Variants in GPC5 observed in about 807,000 individuals in gnomAD.
GPC5 encodes glypican 5, also known as glypican-5.
A neutral mutation model predicts 53.9 loss-of-function variants in GPC5; 47 were observed. The observed-to-expected ratio is 0.87, with a 90% CI of 0.69 to 1.11. GPC5 has a LOEUF of 1.11. GPC5 is among the 50% of genes most tolerant of loss of function. GPC5 has a pLI of 0.00. For missense variants in GPC5, 748 were observed against 713.1 expected (o/e 1.05, Z -0.56); for synonymous variants, 286 against 263.3 (o/e 1.09, Z -0.84).
intron 2 of GPC5, among the ~76,000 whole-genome samples, chr13:91,508,199 A>C (rs1011028721): frequency 6.6e-6 from 1 of 152,238 alleles, no homozygotes; most frequent in African/African-American, 2.4e-5. Flanking sequence ...GCTTTAGCTA[A>C]CAACAAAACT....
chr13:91,740,497 G>T (rs536577200), intron 4 of GPC5, among the ~76,000 whole-genome samples: 1 of 152,232 alleles, frequency 6.6e-6, no homozygotes, highest in East Asian at 1.9e-4. Flanking sequence ...TTGGAGAGAG[G>T]GGAGCTAAAC....
At chr13:91,478,876 ACACAT>A (rs1260197117) in intron 2 of GPC5, among the ~76,000 whole-genome samples, 2 of 51,752 alleles carry the variant, frequency 3.9e-5, no homozygotes, top group African/African-American at 1.3e-4. Flanking sequence ...ACATATATAT[ACACAT>A]TATATATATA....
intron 7 of GPC5, among the ~76,000 whole-genome samples, chr13:92,638,967 C>T (rs1193781903): frequency 1.3e-5 from 2 of 152,148 alleles, no homozygotes; most frequent in East Asian, 1.9e-4. Context: ...TAGTATTTGC[C>T]AATCTGTTTA....
chr13:92,507,338 T>C (rs1035250180), intron 7 of GPC5, among the ~76,000 whole-genome samples: 3 of 152,212 alleles, frequency 2.0e-5, no homozygotes, highest in Non-Finnish European at 4.4e-5. Flanking sequence ...GCTATAGAAA[T>C]TCAACAAACG....
intron 7 of GPC5, among the ~76,000 whole-genome samples, chr13:92,333,770 A>G (rs569236503): frequency 1.7e-4 from 26 of 152,170 alleles, no homozygotes; most frequent in Admixed American, 1.7e-3. Flanking sequence ...AGAGAAACAA[A>G]CCCACAATTT....
At chr13:92,460,205 T>G (rs1279019763) in intron 7 of GPC5, among the ~76,000 whole-genome samples, 1 of 152,146 alleles carries the variant, frequency 6.6e-6, no homozygotes, top group Non-Finnish European at 1.5e-5. Context: ...CCAATTACAG[T>G]GCATTAGATA....
At chr13:92,832,507 T>C (rs1421391988) in intron 7 of GPC5, among the ~76,000 whole-genome samples, 2 of 152,208 alleles carry the variant, frequency 1.3e-5, no homozygotes, top group Non-Finnish European at 2.9e-5. Context: ...AATAGACTAC[T>C]GCTATTACAA....
chr13:92,594,123 G>C (rs1481200016), intron 7 of GPC5, among the ~76,000 whole-genome samples: 3 of 152,160 alleles, frequency 2.0e-5, no homozygotes, highest in African/African-American at 7.2e-5. Context: ...CAGATTGCCA[G>C]AAAGATATAA....
At chr13:91,440,623 A>T (rs1010984625) in intron 1 of GPC5, among the ~76,000 whole-genome samples, 2 of 152,156 alleles carry the variant, frequency 1.3e-5, no homozygotes, top group Non-Finnish European at 2.9e-5. Flanking sequence ...GGGTCATGTT[A>T]TATCGACTCT....
chr13:92,494,190 C>T (rs946966231), intron 7 of GPC5, among the ~76,000 whole-genome samples: 13 of 151,854 alleles, frequency 8.6e-5, no homozygotes, highest in Non-Finnish European at 1.9e-4. Context: ...CCTGGGTTCA[C>T]GCCATTCTCC....
At chr13:92,218,095 T>TA (rs917088357) in intron 7 of GPC5, among the ~76,000 whole-genome samples, 10 of 151,150 alleles carry the variant, frequency 6.6e-5, no homozygotes, top group Non-Finnish European at 7.4e-5. Flanking sequence ...GACTAATTTT[T>TA]AAAAAAAAAT....
At chr13:92,332,457 A>G in intron 7 of GPC5, among the ~76,000 whole-genome samples, 1 of 152,190 alleles carries the variant, frequency 6.6e-6, no homozygotes, top group Non-Finnish European at 1.5e-5. Flanking sequence ...GTTTCATTTA[A>G]TACTAATATA....
chr13:91,427,994 C>T (rs1879174150), intron 1 of GPC5, among the ~76,000 whole-genome samples: 1 of 152,170 alleles, frequency 6.6e-6, no homozygotes, highest in Non-Finnish European at 1.5e-5. Context: ...TTGTAAGTTT[C>T]CTGAGGCCTT....
intron 7 of GPC5, among the ~76,000 whole-genome samples, chr13:92,210,310 T>TA (rs1451304421): frequency 1.3e-5 from 2 of 152,166 alleles, no homozygotes; most frequent in Admixed American, 6.5e-5. Context: ...TTATAGTGGA[T>TA]TCTGATTTCC....
At chr13:92,737,190 TTATGTC>T (rs1888959343) in intron 7 of GPC5, among the ~76,000 whole-genome samples, 1 of 152,060 alleles carries the variant, frequency 6.6e-6, no homozygotes. Context: ...TTTCATCTCT[TTATGTC>T]TATCACCTGG....
At chr13:91,983,721 T>A (rs2040381990) in intron 6 of GPC5, among the ~76,000 whole-genome samples, 3 of 151,816 alleles carry the variant, frequency 2.0e-5, no homozygotes, top group Non-Finnish European at 1.5e-5. Context: ...AAACGGGGAG[T>A]GACATTTTCA....
At chr13:92,437,218 C>T (rs1482484765) in intron 7 of GPC5, among the ~76,000 whole-genome samples, 1 of 152,116 alleles carries the variant, frequency 6.6e-6, no homozygotes, top group Non-Finnish European at 1.5e-5. Flanking sequence ...ACAAAAACAT[C>T]AATAGAATCG....
chr13:92,186,412 T>G (rs2042184031), intron 7 of GPC5, among the ~76,000 whole-genome samples: 1 of 151,928 alleles, frequency 6.6e-6, no homozygotes, highest in African/African-American at 2.4e-5. Context: ...ATATGTGTAA[T>G]ATAATATTTG....
intron 7 of GPC5, among the ~76,000 whole-genome samples, chr13:92,233,405 G>T (rs1261640427): frequency 6.6e-6 from 1 of 152,174 alleles, no homozygotes; most frequent in Admixed American, 6.5e-5. Context: ...ATCGGATGGG[G>T]CTGACTTGAT....
Sources: allele counts gnomAD v4.1 joint callset (sites outside exome capture counted in the v4.1 genomes callset), GRCh38; gene constraint gnomAD v4.1.1; transcripts MANE v1.5; gene names NCBI Gene and HGNC (gene_info 2026-07-23, HGNC 2026-07-21).